Variants in TCF12 observed in about 807,000 individuals in gnomAD.
The protein encoded by TCF12 is DNA-binding protein HTF4.
A neutral mutation model predicts 86.0 loss-of-function variants in TCF12; 45 were observed. The ratio of observed to expected loss-of-function variants is 0.52; its 90% confidence interval spans 0.41 to 0.67. TCF12 has a LOEUF of 0.67. Among genes scored for constraint, TCF12 ranks in the 30% least tolerant of loss-of-function variants. TCF12 has a pLI of 0.00. For synonymous variants in TCF12, 330 were observed against 299.6 expected, an observed-to-expected ratio of 1.10 and a Z score of -1.05; for missense variants, 881 against 859.9, an observed-to-expected ratio of 1.02 and a Z score of -0.31.
chr15:57,147,771 A>G (rs1277927876), intron 5 of TCF12, among the ~76,000 whole-genome samples: 3 of 152,198 alleles, frequency 2.0e-5, no homozygotes, highest in Non-Finnish European at 4.4e-5. Flanking sequence ...GACAATACAA[A>G]TTAAAGCAGA....
At chr15:56,981,205 A>G (rs1340000525) in intron 3 of TCF12, among the ~76,000 whole-genome samples, 1 of 152,232 alleles carries the variant, frequency 6.6e-6, no homozygotes, top group East Asian at 1.9e-4. Context: ...CTGCTATAAC[A>G]GAATACCGGA....
chr15:57,075,839 C>CTCCCTCT (rs1567371476), intron 4 of TCF12, among the ~76,000 whole-genome samples: 1 of 42,396 alleles, frequency 2.4e-5, no homozygotes, highest in African/African-American at 7.9e-5. Flanking sequence ...TCTCTCTTTT[C>CTCCCTCT]TTTCTTTCTT....
Position 57,282,522 on chromosome 15 carries a change from C to T in TCF12, c.2056C>T (p.Pro686Ser). The change falls in exon 20 of 21, where the codon CCA (proline) becomes TCA (serine). Residue 686 changes from proline to serine, a missense_variant. Pro to Ser is a moderately conservative substitution (Grantham distance 74, BLOSUM62 -1). This residue lies in a region of TCF12 where 69 missense variants were observed against 64.2 expected (regional missense o/e 1.07). Transcript: ENST00000333725. ...EKVSAVSAEP[P>S]TTLPGTHPGL... ...AGTTTCTGCCGTATCGGCAGAGCCG[C>T]CAACCACACTGCCAGGAACCCATCC... 6.2e-7 allele frequency: 1 copy of T among 1,614,228 alleles called. No homozygotes were observed.
chr15:56,936,136 G>A (rs541059295), intron 3 of TCF12, among the ~76,000 whole-genome samples: 23 of 151,886 alleles, frequency 1.5e-4, no homozygotes, highest in African/African-American at 3.9e-4. Flanking sequence ...CATTTTTACC[G>A]CATCTATTAT....
intron 6 of TCF12, among the ~76,000 whole-genome samples, chr15:57,182,890 A>G (rs2056442664): frequency 6.6e-6 from 1 of 152,184 alleles, no homozygotes; most frequent in African/African-American, 2.4e-5. Flanking sequence ...TTCATTTATA[A>G]ATCACTTACA....
chr15:57,216,179 C>G (rs1393191009), intron 8 of TCF12, among the ~76,000 whole-genome samples: 1 of 151,968 alleles, frequency 6.6e-6, no homozygotes, highest in Non-Finnish European at 1.5e-5. Flanking sequence ...TGGTGAAATG[C>G]AATAATCTTT....
chr15:57,167,344 T>G (rs1291783930), intron 6 of TCF12, among the ~76,000 whole-genome samples: 2 of 152,152 alleles, frequency 1.3e-5, no homozygotes, highest in South Asian at 2.1e-4. Context: ...GAGAATCACT[T>G]GAGCTCAAGA....
intron 3 of TCF12, among the ~76,000 whole-genome samples, chr15:57,008,712 A>G (rs1220530244): frequency 2.0e-5 from 3 of 152,198 alleles, no homozygotes; most frequent in African/African-American, 2.4e-5. Context: ...AGTCATTTCC[A>G]TTCAAACATC....
intron 16 of TCF12, among the ~76,000 whole-genome samples, chr15:57,259,379 A>C (rs28445470): frequency 0.27 from 41,352 of 152,172 alleles, 6,857 homozygotes; most frequent in African/African-American, 0.45. Flanking sequence ...TGAATGGTAC[A>C]AATTATTAGA....
intron 5 of TCF12, among the ~76,000 whole-genome samples, chr15:57,130,345 AT>A (rs199790870): frequency 0.04 from 6,080 of 151,218 alleles, 371 homozygotes; most frequent in Admixed American, 0.17. Context: ...GACCATTTTG[AT>A]TTTTTTTTTG....
At chr15:57,058,595 G>T (rs746146070) in intron 3 of TCF12, among the ~76,000 whole-genome samples, 3 of 152,088 alleles carry the variant, frequency 2.0e-5, no homozygotes, top group South Asian at 2.1e-4. Context: ...GTGTTTTTTA[G>T]ACTGTTTTAT....
At chr15:57,209,059 A>G (rs2057992520) in intron 8 of TCF12, among the ~76,000 whole-genome samples, 1 of 152,182 alleles carries the variant, frequency 6.6e-6, no homozygotes, top group African/African-American at 2.4e-5. Flanking sequence ...CAGGCACATG[A>G]TGTAGTATTT....
At chr15:57,217,538 T>C (rs575672061) in intron 8 of TCF12, among the ~76,000 whole-genome samples, 2 of 152,284 alleles carry the variant, frequency 1.3e-5, no homozygotes, top group Non-Finnish European at 2.9e-5. Flanking sequence ...GGCTTAACTG[T>C]CATAGGTGGA....
intron 19 of TCF12, among the ~76,000 whole-genome samples, chr15:57,276,131 C>A (rs1285836266): frequency 1.3e-5 from 2 of 152,202 alleles, no homozygotes; most frequent in African/African-American, 4.8e-5. Flanking sequence ...GGTCACTGTT[C>A]TTTTGATAAT....
intron 6 of TCF12, among the ~76,000 whole-genome samples, chr15:57,171,688 C>T (rs55702628): frequency 0.051 from 7,736 of 152,176 alleles, 362 homozygotes; most frequent in African/African-American, 0.13. Context: ...TCACAACAAT[C>T]ACATTAACTG....
At chr15:57,043,772 T>G (rs956411256) in intron 3 of TCF12, among the ~76,000 whole-genome samples, 1 of 152,232 alleles carries the variant, frequency 6.6e-6, no homozygotes, top group African/African-American at 2.4e-5. Flanking sequence ...TGATTGTTTT[T>G]GGTTTAAGTT....
intron 8 of TCF12, among the ~76,000 whole-genome samples, chr15:57,225,072 G>A (rs1220113287): frequency 2.0e-5 from 3 of 151,932 alleles, no homozygotes; most frequent in African/African-American, 7.3e-5. Flanking sequence ...TATTGAATTA[G>A]ACTATCATTT....
intron 3 of TCF12, among the ~76,000 whole-genome samples, chr15:57,059,715 T>C (rs1415733845): frequency 9.6e-6 from 1 of 104,398 alleles, no homozygotes; most frequent in Non-Finnish European, 1.7e-5. Flanking sequence ...ATAATTTGTT[T>C]ACAGGGCTCA....
chr15:56,924,724 GGGAAAAATATATTTTA>G lies in TCF12; in HGVS notation c.148+3630_148+3645del, dbSNP rs552504485. Among the ~76,000 whole-genome samples the G allele has an allele frequency of 1.5e-4, 23 of 152,234 alleles. No homozygotes were observed. The East Asian group carries it at 3.7e-3, about 24-fold the overall frequency. On this transcript the variant is annotated intron_variant, in intron 3 of 20. Coordinates refer to ENST00000333725, the MANE Select transcript of TCF12 (RefSeq NM_207037.2). ...TAACCACAGAGTCAGCAGGTGTGTG[GGGAAAAATATATTTTA>G]GGACAAATATGGTCTGCTATTAAGT...
Sources: gnomAD v4.1 joint callset for allele counts (sites outside exome capture counted in the v4.1 genomes callset) on GRCh38, gnomAD v4.1.1 for gene constraint, gnomAD v4.1.1 regional missense constraint, MANE v1.5 for transcripts, NCBI Gene and HGNC (gene_info 2026-07-23, HGNC 2026-07-21) for gene names.